TMEM131: variants seen among roughly 807,000 people sequenced by gnomAD.
TMEM131 encodes transmembrane protein 131, also known as 2610524E03Rik.
A neutral mutation model predicts 211.6 loss-of-function variants in TMEM131; 66 were observed. The ratio of observed to expected loss-of-function variants is 0.31; its 90% CI spans 0.26 to 0.38. The LOEUF is 0.38. Among genes scored for constraint, TMEM131 ranks in the 10% least tolerant of loss-of-function variants. The pLI is 1.00. For missense variants in TMEM131, 2,036 were observed against 2,299.3 expected (o/e 0.89, Z 2.34); for synonymous variants, 844 against 841.3 (o/e 1.00, Z -0.06).
At chr2:97,987,598 ATACCT>A (rs1680084521) in intron 1 of TMEM131, among the ~76,000 whole-genome samples, 1 of 152,252 alleles carries the variant, frequency 6.6e-6, no homozygotes, top group African/African-American at 2.4e-5. Flanking sequence ...AATTAACGAA[ATACCT>A]TAAGTACGCA....
At chr2:97,884,387 G>A (rs1236841557) in intron 4 of TMEM131, among the ~76,000 whole-genome samples, 1 of 152,168 alleles carries the variant, frequency 6.6e-6, no homozygotes, top group Admixed American at 6.5e-5. Context: ...GAAAGAAATG[G>A]TATTCTGCAG....
chr2:97,853,523 T>C (rs1673712700), intron 5 of TMEM131, among the ~76,000 whole-genome samples: 1 of 151,292 alleles, frequency 6.6e-6, no homozygotes, highest in East Asian at 1.9e-4. Context: ...GGAGAATTGC[T>C]TGAACCTGGG....
intron 31 of TMEM131, among the ~76,000 whole-genome samples, chr2:97,779,396 T>A (rs1228498203): frequency 6.6e-6 from 1 of 152,240 alleles, no homozygotes; most frequent in African/African-American, 2.4e-5. Context: ...GGGAGTGGCC[T>A]CTGCCTCCCG....
At chr2:97,926,364 A>G (rs1676992630) in intron 2 of TMEM131, among the ~76,000 whole-genome samples, 1 of 152,224 alleles carries the variant, frequency 6.6e-6, no homozygotes, top group South Asian at 2.1e-4. Context: ...AAATCGTTAA[A>G]CCTATTGGTA....
chr2:97,959,891 T>C (rs1377024588), intron 1 of TMEM131, among the ~76,000 whole-genome samples: 1 of 152,238 alleles, frequency 6.6e-6, no homozygotes, highest in Non-Finnish European at 1.5e-5. Context: ...CAAAAGTTTT[T>C]GTCTTTCATG....
chr2:97,919,886 T>C (rs2104414007), intron 2 of TMEM131, among the ~76,000 whole-genome samples: 1 of 152,222 alleles, frequency 6.6e-6, no homozygotes, highest in East Asian at 1.9e-4. Flanking sequence ...TGATTTCCAA[T>C]ATTTTTTCTA....
intron 1 of TMEM131, among the ~76,000 whole-genome samples, chr2:97,965,188 CCGTT>C (rs1332434443): frequency 3.3e-5 from 5 of 152,318 alleles, no homozygotes; most frequent in African/African-American, 1.2e-4. Context: ...AGATCTTAAG[CCGTT>C]TAGACACACG....
intron 33 of TMEM131, 52 bp from the exon 34 acceptor site, chr2:97,766,654 G>A (rs939418181): frequency 6.3e-6 from 10 of 1,596,412 alleles, no homozygotes; most frequent in Non-Finnish European, 8.6e-6. Flanking sequence ...TGTTTTGGAG[G>A]ACAGAAGTCA....
chr2:97,884,346 A>ATTTTGTG (rs1675054596), intron 4 of TMEM131, among the ~76,000 whole-genome samples: 6 of 152,216 alleles, frequency 3.9e-5, no homozygotes, highest in Admixed American at 1.3e-4. Context: ...CTAACATACG[A>ATTTTGTG]TCAATCCTGA....
intron 4 of TMEM131, among the ~76,000 whole-genome samples, chr2:97,867,167 G>A (rs1259842194): frequency 2.0e-5 from 3 of 152,186 alleles, no homozygotes; most frequent in South Asian, 2.1e-4. Flanking sequence ...TTCTGTTGTT[G>A]AGCATGGTGT....
chr2:97,786,808 G>A (rs1327888027), intron 31 of TMEM131, among the ~76,000 whole-genome samples: 1 of 152,222 alleles, frequency 6.6e-6, no homozygotes, highest in Non-Finnish European at 1.5e-5. Flanking sequence ...TCTATGTGAA[G>A]AACATTGCCA....
chr2:97,756,857 T>TA lies in TMEM131; in HGVS notation c.*241dup. 2.4e-6 allele frequency: 1 copy of TA among 408,320 alleles called. No homozygotes were observed. Among genetic ancestry groups the TA allele is most frequent in the Non-Finnish European group, 4.3e-6 (1 of 231,452 alleles). The allele number at this position is 408,320 out of a possible 1,614,324, so 25.3% of individuals were successfully genotyped here. On this transcript the variant is annotated 3_prime_UTR_variant, in exon 41 of 41. Transcript: ENST00000186436. ...AGGTTCTCAGATGTACAGGTCTTAT[T>TA]AGAGTTTGTGGCTGAGTCCAGACTT...
intron 2 of TMEM131, among the ~76,000 whole-genome samples, chr2:97,923,063 T>C (rs1278085193): frequency 6.6e-6 from 1 of 151,706 alleles, no homozygotes; most frequent in Non-Finnish European, 1.5e-5. Flanking sequence ...CCAAAGCAGG[T>C]GGATCACTTG....
At chr2:97,856,214 T>C (rs1673839792) in intron 5 of TMEM131, among the ~76,000 whole-genome samples, 1 of 152,158 alleles carries the variant, frequency 6.6e-6, no homozygotes, top group South Asian at 2.1e-4. Flanking sequence ...ATGGCCTATA[T>C]ATAATATGGC....
At position 97,981,028 on chromosome 2, in the gene TMEM131, C is replaced by CAAAAAAAAAAAAAAAAAAAAA. The variant is rs57606185; in HGVS notation, c.187+14427_187+14447dup. 1.0e-3 allele frequency among the ~76,000 whole-genome samples: 38 copies of CAAAAAAAAAAAAAAAAAAAAA among 37,974 alleles called. 4 individuals carry two copies. Among genetic ancestry groups the CAAAAAAAAAAAAAAAAAAAAA allele is most frequent in the Non-Finnish European group, 1.3e-3 (29 of 21,684 alleles). The allele number at this position is 37,974 out of a possible 152,430, so 24.9% of individuals were successfully genotyped here. A position where few individuals can be genotyped will look rare whatever the true frequency, so the allele number is the denominator to read the frequency against. The stretch of plus-strand genomic sequence containing the variant: ...TGCTGAAACTCACAGAACTACACAC[C>CAAAAAAAAAAAAAAAAAAAAA]AAAAAAAAAAAAAAAAAAAAAAAAA... On this transcript the variant is annotated intron_variant, in intron 1 of 40. Coordinates refer to ENST00000186436, the MANE Select transcript of TMEM131 (RefSeq NM_015348.2).
At chr2:97,963,988 C>G (rs1280950165) in intron 1 of TMEM131, among the ~76,000 whole-genome samples, 1 of 152,166 alleles carries the variant, frequency 6.6e-6, no homozygotes, top group Non-Finnish European at 1.5e-5. Flanking sequence ...CCAGTTCTAA[C>G]AGGCTTACAT....
At chr2:97,848,569 A>G (rs1402736599) in intron 5 of TMEM131, among the ~76,000 whole-genome samples, 1 of 152,190 alleles carries the variant, frequency 6.6e-6, no homozygotes, top group Non-Finnish European at 1.5e-5. Context: ...TTTATACTGT[A>G]TTATTTGTTT....
At chr2:97,867,048 G>A (rs1674300787) in intron 4 of TMEM131, among the ~76,000 whole-genome samples, 1 of 152,210 alleles carries the variant, frequency 6.6e-6, no homozygotes, top group African/African-American at 2.4e-5. Context: ...GATTAGGAAT[G>A]TTCAGCCTGT....
At chr2:97,871,744 T>C (rs1674497219) in intron 4 of TMEM131, among the ~76,000 whole-genome samples, 1 of 152,176 alleles carries the variant, frequency 6.6e-6, no homozygotes. Flanking sequence ...TCTCCAAGCC[T>C]TCAGGGAGAC....
Sources: gnomAD v4.1 joint callset for allele counts (sites outside exome capture counted in the v4.1 genomes callset) on GRCh38, gnomAD v4.1.1 for gene constraint, MANE v1.5 for transcripts, NCBI Gene and HGNC (gene_info 2026-07-23, HGNC 2026-07-21) for gene names.